The following GRM4 variants were observed in gnomAD, a reference collection of about 807,000 sequenced individuals.
GRM4 encodes the protein metabotropic glutamate receptor 4.
Under a neutral mutation model 81.7 loss-of-function variants are expected in GRM4, and 28 were observed. The observed-to-expected ratio is 0.34, with a 90% CI of 0.25 to 0.47. The LOEUF (loss-of-function observed/expected upper bound fraction) is 0.47. Among genes scored for constraint, GRM4 ranks in the 20% least tolerant of loss-of-function variants. The pLI, the probability that GRM4 is intolerant of heterozygous loss-of-function variation, is 1.00. For synonymous variants in GRM4, 488 were observed against 528.8 expected (o/e 0.92, Z 1.06); for missense variants, 948 against 1,290.0 (o/e 0.73, Z 4.06).
chr6:34,124,675 TC>T (rs2127506295), intron 2 of GRM4, among the ~76,000 whole-genome samples: 2 of 152,312 alleles, frequency 1.3e-5, no homozygotes, highest in South Asian at 4.1e-4. Flanking sequence ...CCCAAGTGAT[TC>T]CAATGTGCAG....
chr6:34,044,365 C>T (rs1225218227), intron 6 of GRM4, among the ~76,000 whole-genome samples: 1 of 151,140 alleles, frequency 6.6e-6, no homozygotes. Context: ...TATACACAGA[C>T]ACACACATAC....
intron 3 of GRM4, among the ~76,000 whole-genome samples, chr6:34,087,684 G>GCA (rs1281131268): frequency 1.1e-3 from 150 of 139,780 alleles, no homozygotes; most frequent in African/African-American, 4.1e-3. Flanking sequence ...ACACGTGCCC[G>GCA]CACACACACA....
At position 34,136,558 on chromosome 6, in the gene GRM4, G is replaced by A. The variant is rs1372127296; in HGVS notation, c.-363-2699C>T. Among the ~76,000 whole-genome samples the A allele has an allele frequency of 9.2e-5, 8 of 86,518 alleles. 1 individual carries two copies. The highest frequency in any genetic ancestry group is 9.5e-5 in the Non-Finnish European group (4 of 42,246). The allele number at this position is 86,518 out of a possible 152,430, so 56.8% of individuals were successfully genotyped here. A position where few individuals can be genotyped will look rare whatever the true frequency, so the allele number is the denominator to read the frequency against. ...TCTGGGCTGAGCAGTGCATGCGCGC[G>A]TGCGGACACACACACACACACACAC... On this transcript the variant is annotated intron_variant, in intron 1 of 10. Transcript: ENST00000538487. This position sits in a 1 kb window ranked among gnomAD's most constrained non-coding sequence, Gnocchi z 4.1.
At chr6:34,056,468 G>C in intron 6 of GRM4, 76 bp downstream of exon 6, 2 of 1,327,116 alleles carry the variant, frequency 1.5e-6, no homozygotes, top group South Asian at 1.3e-5. Flanking sequence ...GGAGACTCTC[G>C]GCCTCAGGCC....
chr6:34,076,584 C>T (rs116137164), intron 3 of GRM4, among the ~76,000 whole-genome samples: 1,608 of 152,346 alleles, frequency 0.011, 18 homozygotes, highest in South Asian at 0.029. Flanking sequence ...GTGAGAGCTC[C>T]GTCAGCTGGC....
At position 34,133,500 on chromosome 6, in the gene GRM4, G is replaced by C; in HGVS notation, c.-4C>G. On this transcript the variant is annotated 5_prime_UTR_variant, in exon 2 of 11. Coordinates refer to ENST00000538487, the MANE Select transcript of GRM4 (RefSeq NM_000841.4). This position sits in a 1 kb window ranked among gnomAD's most constrained non-coding sequence, Gnocchi z 6.5. ...CCAAGCCTCTCTTCCCAGGCATCTC[G>C]GAAATCCCTAGAGACCCATGAACGG... 6.4e-7 allele frequency: 1 copy of C among 1,553,452 alleles called. No homozygotes were observed.
Position 34,035,753 on chromosome 6 carries a change from G to A in GRM4, c.2357C>T (p.Pro786Leu). Residue 786 changes from proline (P) to leucine (L), a missense_variant, in exon 9 of 11, where the codon CCC (proline) becomes CTC (leucine). By Grantham distance (98) the Pro-to-Leu change is moderately conservative (BLOSUM62 -3). Transcript: ENST00000538487. The surrounding 1 kb of genome is among the most constrained non-coding windows in gnomAD (Gnocchi z 6.6). ...GVPETFNEAK[P>L]IGFTMYTTCI... Reference sequence around the variant, plus strand: ...AGTGGTGTACATGGTGAAGCCAATGGGCTTGGCCTCATTGAAGGTCTCGGG... The same window carrying A: ...AGTGGTGTACATGGTGAAGCCAATGAGCTTGGCCTCATTGAAGGTCTCGGG... The A allele has an allele frequency of 6.2e-7, 1 of 1,612,548 alleles. No homozygotes were observed. The highest frequency in any genetic ancestry group is 1.3e-5 in the African/African-American group (1 of 74,998).
intron 1 of GRM4, among the ~76,000 whole-genome samples, chr6:34,143,972 A>T (rs1770810899): frequency 6.6e-6 from 1 of 152,232 alleles, no homozygotes; most frequent in Non-Finnish European, 1.5e-5. Flanking sequence ...TCTGAGAGAC[A>T]CGTGGCTTCG....
intron 10 of GRM4, among the ~76,000 whole-genome samples, chr6:34,025,387 G>GA (rs1331226870): frequency 1.3e-5 from 2 of 152,204 alleles, no homozygotes; most frequent in Non-Finnish European, 2.9e-5. Context: ...GCTCAGAGGT[G>GA]AAAAAAACTC....
intron 9 of GRM4, among the ~76,000 whole-genome samples, chr6:34,029,077 G>A (rs1764281832): frequency 6.6e-6 from 1 of 152,212 alleles, no homozygotes; most frequent in African/African-American, 2.4e-5. Flanking sequence ...TCCAGGCAGG[G>A]TCCGGCAATT....
chr6:34,104,901 C>T (rs1769043037), intron 2 of GRM4, among the ~76,000 whole-genome samples: 1 of 152,132 alleles, frequency 6.6e-6, no homozygotes, highest in Admixed American at 6.5e-5. Flanking sequence ...AATCCTCACA[C>T]AGGCCGTGGG....
At chr6:34,096,098 T>C (rs544579175) in intron 2 of GRM4, among the ~76,000 whole-genome samples, 2 of 152,282 alleles carry the variant, frequency 1.3e-5, no homozygotes, top group Non-Finnish European at 2.9e-5. Context: ...CTGCCTCCTT[T>C]GCTTCCCTCA....
At chr6:34,028,971 A>T (rs899436668) in intron 9 of GRM4, among the ~76,000 whole-genome samples, 2 of 152,174 alleles carry the variant, frequency 1.3e-5, no homozygotes, top group Admixed American at 6.5e-5. Context: ...AGCTCATTTC[A>T]TGCTCGCTCG....
At position 34,133,368 on chromosome 6, in the gene GRM4, G is replaced by A. The variant is rs1770327433; in HGVS notation, c.129C>T (p.Ile43=). The A allele has an allele frequency of 1.2e-6, 2 of 1,613,906 alleles. No homozygotes were observed. Among genetic ancestry groups the A allele is most frequent in the Admixed American group, 1.7e-5 (1 of 60,006 alleles). Residue 43 remains isoleucine (I), a synonymous_variant, in exon 2 of 11, where the codon ATC becomes ATT. Transcript: ENST00000538487. The surrounding 1 kb of genome is among the most constrained non-coding windows in gnomAD (Gnocchi z 6.5). ...CCAGTGTGATGTCCCCATCTATGCG[G>A]ATGGAATTCATGTGAGGGTGGCCTT... The part of the protein sequence containing the change: ...KPKGHPHMNS[I]RIDGDITLGG...
chr6:34,058,476 G>T (rs991308376), intron 5 of GRM4, among the ~76,000 whole-genome samples: 18 of 152,148 alleles, frequency 1.2e-4, no homozygotes, highest in African/African-American at 4.3e-4. Context: ...GGACTGCCAG[G>T]TCCCTGCCAA....
At chr6:34,118,275 C>T (rs1769673125) in intron 2 of GRM4, among the ~76,000 whole-genome samples, 1 of 152,256 alleles carries the variant, frequency 6.6e-6, no homozygotes, top group African/African-American at 2.4e-5. Context: ...CACAGGGACC[C>T]ATGGCTGCCT....
intron 3 of GRM4, among the ~76,000 whole-genome samples, chr6:34,085,749 T>G (rs1178818227): frequency 6.6e-6 from 1 of 152,182 alleles, no homozygotes; most frequent in Non-Finnish European, 1.5e-5. Flanking sequence ...GTGGACCATA[T>G]ACAAACAAAT....
At chr6:34,112,489 TC>T (rs1298616173) in intron 2 of GRM4, among the ~76,000 whole-genome samples, 4 of 151,690 alleles carry the variant, frequency 2.6e-5, no homozygotes, top group Non-Finnish European at 5.9e-5. Context: ...GAGAGGGAGG[TC>T]CCTGTTGTTG....
At chr6:34,073,169 ACAC>A (rs1356870803) in intron 3 of GRM4, among the ~76,000 whole-genome samples, 190 of 89,396 alleles carry the variant, frequency 2.1e-3, no homozygotes, top group Middle Eastern at 6.3e-3. Flanking sequence ...ACACACCCAC[ACAC>A]CACCACACAA....
Sources: gnomAD v4.1 joint callset for allele counts (sites outside exome capture counted in the v4.1 genomes callset) on GRCh38, gnomAD v4.1.1 for gene constraint, Gnocchi (gnomAD v3.1) non-coding constraint, MANE v1.5 for transcripts, NCBI Gene and HGNC (gene_info 2026-07-23, HGNC 2026-07-21) for gene names.